The following PPFIA2 variants were observed in gnomAD, a reference collection of about 807,000 sequenced individuals.
PPFIA2 encodes the protein PPFI scaffold protein A2.
A neutral mutation model predicts 175.5 loss-of-function variants in PPFIA2; 46 were observed. That is an observed-to-expected ratio of 0.26 (90% CI 0.21 to 0.34). The LOEUF is 0.34. PPFIA2 is among the 10% of genes least tolerant of loss of function. The probability of loss-of-function intolerance (pLI) is 1.00; values close to 1 mark genes in which losing one functional copy is unlikely to be tolerated. For missense variants in PPFIA2, 1,179 were observed against 1,506.1 expected (o/e 0.78, Z 3.60); for synonymous variants, 568 against 511.4 (o/e 1.11, Z -1.49).
intron 28 of PPFIA2, among the ~76,000 whole-genome samples, chr12:81,268,771 C>G (rs1465520750): frequency 6.6e-6 from 1 of 152,138 alleles, no homozygotes; most frequent in Non-Finnish European, 1.5e-5. Context: ...CACACCTCTT[C>G]AGTAAACAGC....
chr12:81,665,079 C>G (rs11114971), intron 4 of PPFIA2, among the ~76,000 whole-genome samples: 13,931 of 151,886 alleles, frequency 0.092, 900 homozygotes, highest in East Asian at 0.27. Flanking sequence ...GGAGATATAC[C>G]TAATGTAAAT....
At chr12:81,596,934 C>G (rs2059310791) in intron 4 of PPFIA2, among the ~76,000 whole-genome samples, 1 of 152,040 alleles carries the variant, frequency 6.6e-6, no homozygotes, top group Admixed American at 6.6e-5. Flanking sequence ...GTAATTATAT[C>G]TACTGCCTAC....
At chr12:81,647,527 C>T (rs962518035) in intron 4 of PPFIA2, among the ~76,000 whole-genome samples, 5 of 151,558 alleles carry the variant, frequency 3.3e-5, no homozygotes, top group African/African-American at 4.9e-5. Context: ...TTTGGGAGGT[C>T]GAGGTGAGCA....
chr12:81,471,034 C>G (rs1321673128), intron 4 of PPFIA2: 1 of 152,168 alleles, frequency 6.6e-6, no homozygotes, highest in Non-Finnish European at 1.5e-5. Context: ...TTATTTCCCT[C>G]AGCACAATGT....
At chr12:81,407,360 G>A (rs1054884365) in intron 7 of PPFIA2, among the ~76,000 whole-genome samples, 2 of 151,890 alleles carry the variant, frequency 1.3e-5, no homozygotes, top group African/African-American at 4.8e-5. Flanking sequence ...GTGGGCGCCT[G>A]TAATCCCAGC....
intron 4 of PPFIA2, among the ~76,000 whole-genome samples, chr12:81,614,494 TG>T (rs1354725638): frequency 1.3e-5 from 2 of 152,190 alleles, no homozygotes; most frequent in East Asian, 3.9e-4. Flanking sequence ...CAAAATCCCA[TG>T]TTTAAGATGA....
intron 4 of PPFIA2, 88 bp from the exon 5 acceptor site, chr12:81,457,954 T>C: frequency 2.4e-6 from 2 of 832,960 alleles, no homozygotes; most frequent in Non-Finnish European, 3.7e-6. Context: ...ATGAAAAGAA[T>C]GGGGAAAAAT....
At chr12:81,713,716 C>T (rs369226565) in intron 3 of PPFIA2, among the ~76,000 whole-genome samples, 3 of 151,264 alleles carry the variant, frequency 2.0e-5, no homozygotes, top group East Asian at 4.0e-4. Flanking sequence ...TTGTTCAGGT[C>T]ACTGCTATGA....
chr12:81,687,951 T>G (rs2153583417), intron 3 of PPFIA2, among the ~76,000 whole-genome samples: 1 of 152,024 alleles, frequency 6.6e-6, no homozygotes, highest in East Asian at 1.9e-4. Flanking sequence ...AGCATTAGAA[T>G]ACATGTAAAT....
intron 4 of PPFIA2, among the ~76,000 whole-genome samples, chr12:81,463,226 A>G (rs2054973998): frequency 6.6e-6 from 1 of 152,176 alleles, no homozygotes; most frequent in Non-Finnish European, 1.5e-5. Context: ...TGAAAAAGGT[A>G]AGAAACAGAA....
rs773004779 is a variant in PPFIA2, at chr12:81,281,364, A to C, written c.3105T>G (p.Pro1035=). The change falls in exon 27 of 33, where the codon CCT becomes CCG. Residue 1035 remains proline, a synonymous_variant. Transcript: ENST00000549396. Reference sequence around the variant, plus strand: ...ATTCCATAAAGTAACTTCTGTACTGAGGTAACCCCAAGCTGGGAAGCCATT... The same window carrying C: ...ATTCCATAAAGTAACTTCTGTACTGCGGTAACCCCAAGCTGGGAAGCCATT... ...GNEWLPSLGL[P]QYRSYFMECL... 1 of 1,610,382 alleles carries C rather than the reference A, an allele frequency of 6.2e-7. No individual in the cohort carries two copies. Among genetic ancestry groups the C allele is most frequent in the East Asian group, 2.2e-5 (1 of 44,802 alleles).
At chr12:81,444,979 C>T (rs1211822221) in intron 6 of PPFIA2, among the ~76,000 whole-genome samples, 2 of 151,980 alleles carry the variant, frequency 1.3e-5, no homozygotes, top group Non-Finnish European at 2.9e-5. Context: ...AAGCTTACAG[C>T]TACTTTTAAA....
intron 4 of PPFIA2, among the ~76,000 whole-genome samples, chr12:81,526,446 G>A (rs1445861380): frequency 6.6e-6 from 1 of 152,138 alleles, no homozygotes; most frequent in Non-Finnish European, 1.5e-5. Context: ...GCTGAATCCT[G>A]CCTTATTTCT....
intron 5 of PPFIA2, among the ~76,000 whole-genome samples, chr12:81,447,128 C>T (rs2145352335): frequency 6.6e-6 from 1 of 152,134 alleles, no homozygotes; most frequent in Non-Finnish European, 1.5e-5. Flanking sequence ...GAAACCCCGT[C>T]TCTACTAAAA....
At chr12:81,337,304 T>C (rs2057292409) in intron 21 of PPFIA2, among the ~76,000 whole-genome samples, 1 of 152,180 alleles carries the variant, frequency 6.6e-6, no homozygotes, top group African/African-American at 2.4e-5. Context: ...ACTCTACCTC[T>C]GCTGTTCTAT....
intron 3 of PPFIA2, among the ~76,000 whole-genome samples, chr12:81,685,746 T>C (rs2074345660): frequency 6.6e-6 from 1 of 152,104 alleles, no homozygotes; most frequent in African/African-American, 2.4e-5. Flanking sequence ...TTAAATTTTA[T>C]AGTGTGACAA....
intron 29 of PPFIA2, chr12:81,267,325 AAAC>A: frequency 2.4e-6 from 1 of 419,314 alleles, no homozygotes; most frequent in Admixed American, 3.6e-5. Context: ...AAATATGTAA[AAAC>A]AAAATAAAAA....
intron 4 of PPFIA2, among the ~76,000 whole-genome samples, chr12:81,668,442 C>G (rs576166828): frequency 1.3e-5 from 2 of 152,188 alleles, no homozygotes; most frequent in Admixed American, 1.3e-4. Flanking sequence ...TGTCCGCAAA[C>G]TCCAAGGAAT....
intron 4 of PPFIA2, among the ~76,000 whole-genome samples, chr12:81,461,226 G>A (rs1267895046): frequency 6.6e-6 from 1 of 151,986 alleles, no homozygotes; most frequent in Non-Finnish European, 1.5e-5. Context: ...CATTTTACAT[G>A]AATAACTCCA....
Sources: gnomAD v4.1 joint callset for allele counts (sites outside exome capture counted in the v4.1 genomes callset) on GRCh38, gnomAD v4.1.1 for gene constraint, MANE v1.5 for transcripts, NCBI Gene and HGNC (gene_info 2026-07-23, HGNC 2026-07-21) for gene names.